The following DOCK8 variants were observed in gnomAD, a reference collection of about 807,000 sequenced individuals.
DOCK8 encodes dedicator of cytokinesis 8, also known as dedicator of cytokinesis protein 8.
A neutral mutation model predicts 245.6 loss-of-function variants in DOCK8; 141 were observed. That is an observed-to-expected ratio of 0.57 (90% CI 0.50 to 0.66). The LOEUF (loss-of-function observed/expected upper bound fraction) is 0.66, where lower values mean the gene tolerates loss of function less well. Among genes scored for constraint, DOCK8 ranks in the 30% least tolerant of loss-of-function variants. DOCK8 has a pLI of 0.00. For synonymous variants in DOCK8, 1,168 were observed against 970.2 expected, an observed-to-expected ratio of 1.20 and a Z score of -3.79; for missense variants, 2,965 against 2,603.4, an observed-to-expected ratio of 1.14 and a Z score of -3.02.
chr9:393,112 A>AG (rs1249457723), intron 24 of DOCK8, among the ~76,000 whole-genome samples: 1 of 131,824 alleles, frequency 7.6e-6, no homozygotes, highest in East Asian at 2.0e-4. Flanking sequence ...AAAAAAAAAA[A>AG]AAGAAGAAGA....
chr9:430,107 G>A (rs113055836), intron 36 of DOCK8, among the ~76,000 whole-genome samples: 340 of 152,342 alleles, frequency 2.2e-3, no homozygotes, highest in African/African-American at 7.7e-3. Context: ...AGGAACGATG[G>A]CTTTCACCTA....
intron 14 of DOCK8, among the ~76,000 whole-genome samples, chr9:363,061 A>G (rs1383165617): frequency 6.6e-6 from 1 of 152,248 alleles, no homozygotes; most frequent in Non-Finnish European, 1.5e-5. Flanking sequence ...TTGCTAAATC[A>G]GTGGAAAGAA....
chr9:352,805 A>T (rs2052239370), intron 14 of DOCK8, among the ~76,000 whole-genome samples: 1 of 151,962 alleles, frequency 6.6e-6, no homozygotes, highest in African/African-American at 2.4e-5. Flanking sequence ...AAGGACTGTT[A>T]ACCCTCAGAA....
chr9:410,041 CAT>C (rs1301824327), intron 28 of DOCK8, among the ~76,000 whole-genome samples: 5 of 152,236 alleles, frequency 3.3e-5, no homozygotes, highest in East Asian at 3.9e-4. Flanking sequence ...CATATGCACA[CAT>C]ATGTTTATTG....
intron 3 of DOCK8, among the ~76,000 whole-genome samples, chr9:287,149 G>A (rs10968084): frequency 6.6e-6 from 1 of 152,128 alleles, no homozygotes. Flanking sequence ...ATAAAAAGAT[G>A]AATAAGTCAA....
At chr9:214,646 G>C (rs931848173), upstream of DOCK8, 2 of 1,610,658 alleles carry the variant, frequency 1.2e-6, no homozygotes, top group Admixed American at 1.7e-5. Context: ...TCGTCCGCCC[G>C]CGCTCCCTTC....
chr9:246,891 T>C (rs931203378), intron 1 of DOCK8, among the ~76,000 whole-genome samples: 2 of 152,122 alleles, frequency 1.3e-5, no homozygotes, highest in African/African-American at 2.4e-5. Context: ...GCTGGGACTA[T>C]AGGCACACAC....
intron 46 of DOCK8, among the ~76,000 whole-genome samples, chr9:458,742 C>T (rs1423753552): frequency 1.3e-5 from 2 of 152,080 alleles, no homozygotes; most frequent in Non-Finnish European, 2.9e-5. Context: ...GCCCAGGAGG[C>T]AGAGGTTGCA....
intron 14 of DOCK8, among the ~76,000 whole-genome samples, chr9:354,323 T>C (rs372596441): frequency 3.3e-5 from 5 of 152,154 alleles, no homozygotes; most frequent in African/African-American, 1.2e-4. Flanking sequence ...AATATTTTTG[T>C]GTGGGGAGTC....
chr9:378,797 C>T (rs1586844677), intron 20 of DOCK8, among the ~76,000 whole-genome samples: 1 of 152,216 alleles, frequency 6.6e-6, no homozygotes, highest in Non-Finnish European at 1.5e-5. Flanking sequence ...TTATTCAGAA[C>T]CTATTCTGTG....
At position 271,746 on chromosome 9, in the gene DOCK8, G is replaced by T; in HGVS notation, c.156+17G>T. 6.5e-7 allele frequency: 1 copy of T among 1,532,394 alleles called. No homozygotes were observed. The allele number at this position is 1,532,394 out of a possible 1,614,324, so 94.9% of individuals were successfully genotyped here. ...CTTCAACTAGTAAGTATGAGTTCCAGGTTTACTTAGCGATTGGTCAAGTGC... is the reference window on the plus strand; with the variant it reads ...CTTCAACTAGTAAGTATGAGTTCCATGTTTACTTAGCGATTGGTCAAGTGC... On this transcript the variant is annotated intron_variant, in intron 2 of 47. Transcript: ENST00000432829.
chr9:457,677 G>C (rs1221672027), intron 46 of DOCK8, among the ~76,000 whole-genome samples: 2 of 152,158 alleles, frequency 1.3e-5, no homozygotes, highest in Non-Finnish European at 2.9e-5. Flanking sequence ...TTGCATGTTA[G>C]TTTCATCAAC....
At chr9:216,537 C>CAAAAAAAAAAAAAA (rs59529982) in intron 1 of DOCK8, among the ~76,000 whole-genome samples, 16 of 88,916 alleles carry the variant, frequency 1.8e-4, no homozygotes, top group East Asian at 7.8e-4. Flanking sequence ...AAAAAACAGA[C>CAAAAAAAAAAAAAA]AAAAAAAAAA....
At chr9:407,632 G>A (rs2055498678) in intron 28 of DOCK8, among the ~76,000 whole-genome samples, 1 of 151,916 alleles carries the variant, frequency 6.6e-6, no homozygotes, top group South Asian at 2.1e-4. Flanking sequence ...TCAACAGACA[G>A]AGAGGTAGAC....
intron 44 of DOCK8, among the ~76,000 whole-genome samples, chr9:448,508 A>C (rs949963359): frequency 1.3e-5 from 2 of 152,196 alleles, no homozygotes; most frequent in African/African-American, 4.8e-5. Context: ...GGGTGGCTTA[A>C]ACAACTGAAA....
Position 396,840 on chromosome 9 carries a change from G to T in DOCK8, c.3026G>T (p.Arg1009Met), listed in dbSNP as rs1479654770. Residue 1009 changes from arginine (R) to methionine (M), a missense_variant, in exon 25 of 48, where the codon AGG (arginine) becomes ATG (methionine). Around this residue, in one of 3 missense-constraint regions of DOCK8, gnomAD observed 2,825 missense variants for 2,453.5 expected, o/e 1.15. Transcript: ENST00000432829. The stretch of plus-strand genomic sequence containing the variant: ...ATGGACAAACGGGACAGTTTTCGGA[G>T]GACTCGTTTTTCTGACCGTTTCATG... ...HNMDKRDSFRRTRFSDRFMDD... is the reference protein window; with the variant it reads ...HNMDKRDSFRMTRFSDRFMDD... The T allele has an allele frequency of 6.2e-7, 1 of 1,613,934 alleles. No homozygotes were observed. Among genetic ancestry groups the T allele is most frequent in the Non-Finnish European group, 8.5e-7 (1 of 1,180,034 alleles).
chr9:416,019 A>T (rs940467963), intron 29 of DOCK8, among the ~76,000 whole-genome samples: 1 of 152,266 alleles, frequency 6.6e-6, no homozygotes, highest in South Asian at 2.1e-4. Flanking sequence ...ATGAAAAGCA[A>T]GTATTCCTGT....
At chr9:344,364 A>G (rs977028138) in intron 14 of DOCK8, among the ~76,000 whole-genome samples, 3 of 152,168 alleles carry the variant, frequency 2.0e-5, no homozygotes, top group African/African-American at 7.2e-5. Flanking sequence ...ATCTTGTTCT[A>G]AATTTTTAGT....
At chr9:224,384 C>T (rs1283071261) in intron 1 of DOCK8, among the ~76,000 whole-genome samples, 1 of 152,142 alleles carries the variant, frequency 6.6e-6, no homozygotes, top group Admixed American at 6.5e-5. Flanking sequence ...AATTCTACCT[C>T]ATTGCTTGGA....
Sources: allele counts gnomAD v4.1 joint callset (sites outside exome capture counted in the v4.1 genomes callset), GRCh38; gene constraint gnomAD v4.1.1; regional missense constraint gnomAD v4.1.1; transcripts MANE v1.5; gene names NCBI Gene and HGNC (gene_info 2026-07-23, HGNC 2026-07-21).